Variants in MACROD2 observed in about 807,000 individuals in gnomAD.
MACROD2 encodes mono-ADP ribosylhydrolase 2, also known as ADP-ribose glycohydrolase MACROD2.
In MACROD2, 36 loss-of-function variants were observed where a neutral mutation model predicts 70.4. That is an observed-to-expected ratio of 0.51 (90% confidence interval 0.39 to 0.68). MACROD2 has a LOEUF of 0.68. Among genes scored for constraint, MACROD2 ranks in the 30% least tolerant of loss-of-function variants. MACROD2 has a pLI of 0.00. For missense variants in MACROD2, 496 were observed against 538.4 expected, an observed-to-expected ratio of 0.92 and a Z score of 0.78; for synonymous variants, 172 against 178.8, an observed-to-expected ratio of 0.96 and a Z score of 0.30.
chr20:15,090,258 T>G (rs2075783205), intron 5 of MACROD2, among the ~76,000 whole-genome samples: 1 of 152,018 alleles, frequency 6.6e-6, no homozygotes, highest in Non-Finnish European at 1.5e-5. Context: ...GTATTGGTGA[T>G]AGGTTTAGGG....
At chr20:15,676,735 G>A (rs921045119) in intron 8 of MACROD2, among the ~76,000 whole-genome samples, 1 of 152,108 alleles carries the variant, frequency 6.6e-6, no homozygotes, top group African/African-American at 2.4e-5. Context: ...ACATGTTTTG[G>A]CTTATGTTCA....
intron 4 of MACROD2, among the ~76,000 whole-genome samples, chr20:14,530,044 C>T (rs149793707): frequency 3.9e-5 from 6 of 152,004 alleles, no homozygotes; most frequent in Admixed American, 6.6e-5. Context: ...ACTGGGTGAC[C>T]GAAGCTCATT....
intron 3 of MACROD2, among the ~76,000 whole-genome samples, chr20:14,273,048 G>A (rs929183440): frequency 6.6e-6 from 1 of 151,832 alleles, no homozygotes; most frequent in African/African-American, 2.4e-5. Flanking sequence ...AATAATGGGA[G>A]ACTTTAACAC....
rs192561514 is a variant in MACROD2, at chr20:14,475,152, A to G, written c.272-18327A>G. On this transcript the variant is annotated intron_variant, in intron 3 of 17. Transcript: ENST00000684519. Reference sequence around the variant, plus strand: ...AGGTTTTTACTTTGTGGTTACCGTGAGGCTTGCATAAAGCATCTTACAGTT... The same window carrying G: ...AGGTTTTTACTTTGTGGTTACCGTGGGGCTTGCATAAAGCATCTTACAGTT... Among the ~76,000 whole-genome samples the G allele has an allele frequency of 3.3e-5, 5 of 151,928 alleles. No homozygotes were observed. The East Asian group carries it at 9.7e-4, about 29-fold the overall frequency.
intron 15 of MACROD2, among the ~76,000 whole-genome samples, chr20:16,012,076 G>A (rs755074210): frequency 1.1e-4 from 16 of 152,182 alleles, no homozygotes; most frequent in Non-Finnish European, 7.3e-5. Context: ...AGAGATTCTC[G>A]GAGCCAGGCC....
At chr20:15,291,403 C>T (rs2077539985) in intron 6 of MACROD2, among the ~76,000 whole-genome samples, 1 of 152,090 alleles carries the variant, frequency 6.6e-6, no homozygotes, top group Non-Finnish European at 1.5e-5. Context: ...ACACAGTAGG[C>T]CCACAATAAA....
chr20:14,971,895 C>G (rs549553997), intron 5 of MACROD2, among the ~76,000 whole-genome samples: 2 of 152,148 alleles, frequency 1.3e-5, no homozygotes, highest in African/African-American at 2.4e-5. Flanking sequence ...ATGCCTAGAC[C>G]CAGGTAGCCT....
intron 8 of MACROD2, among the ~76,000 whole-genome samples, chr20:15,817,800 T>C (rs1000976838): frequency 5.9e-5 from 9 of 152,182 alleles, no homozygotes; most frequent in African/African-American, 2.2e-4. Context: ...GCAATTTTAA[T>C]TGGGTTCTTT....
intron 5 of MACROD2, among the ~76,000 whole-genome samples, chr20:15,042,005 C>T (rs2075360181): frequency 6.6e-6 from 1 of 152,080 alleles, no homozygotes; most frequent in Non-Finnish European, 1.5e-5. Flanking sequence ...AACTTGAAGC[C>T]ATTCAGGGAC....
Position 15,682,927 on chromosome 20 carries a change from CAT to C in MACROD2, c.646-179817_646-179816del, listed in dbSNP as rs113892934. On this transcript the variant is annotated intron_variant, in intron 8 of 17. Transcript: ENST00000684519. Reference sequence around the variant, plus strand: ...TAGTCATCTTTTAGAAACTCTAAGTCATGTCTTCCCTGTCAGATATCATGCTC... The same window carrying C: ...TAGTCATCTTTTAGAAACTCTAAGTCGTCTTCCCTGTCAGATATCATGCTC... 2.7e-3 allele frequency among the ~76,000 whole-genome samples: 408 copies of C among 152,226 alleles called. 4 individuals are homozygous for C. The highest frequency in any genetic ancestry group is 9.0e-3 in the African/African-American group (374 of 41,552).
At chr20:14,134,505 G>A (rs1007843512) in intron 3 of MACROD2, among the ~76,000 whole-genome samples, 1 of 151,760 alleles carries the variant, frequency 6.6e-6, no homozygotes, top group South Asian at 2.1e-4. Flanking sequence ...CCTCTTTTTC[G>A]TTTATAAAGA....
intron 5 of MACROD2, among the ~76,000 whole-genome samples, chr20:14,931,934 C>A (rs546447271): frequency 1.8e-4 from 27 of 149,930 alleles, no homozygotes; most frequent in Admixed American, 1.7e-3. Flanking sequence ...CCCAGGAGTT[C>A]GAGACTGCAG....
chr20:15,840,665 A>G (rs1013670571), intron 8 of MACROD2, among the ~76,000 whole-genome samples: 1 of 152,184 alleles, frequency 6.6e-6, no homozygotes, highest in Non-Finnish European at 1.5e-5. Flanking sequence ...TGACTGTGAA[A>G]TAAAAGAATT....
At chr20:15,200,652 G>T (rs979852367) in intron 5 of MACROD2, among the ~76,000 whole-genome samples, 1 of 152,140 alleles carries the variant, frequency 6.6e-6, no homozygotes, top group African/African-American at 2.4e-5. Flanking sequence ...GTTATAAAAT[G>T]GCACAAGGCA....
At chr20:15,890,328 A>T (rs961534889) in intron 10 of MACROD2, among the ~76,000 whole-genome samples, 2 of 152,208 alleles carry the variant, frequency 1.3e-5, no homozygotes, top group African/African-American at 4.8e-5. Context: ...ATTTGGAGAA[A>T]TGCTGGTTTG....
At chr20:15,656,020 T>C (rs559473423) in intron 8 of MACROD2, among the ~76,000 whole-genome samples, 8 of 152,334 alleles carry the variant, frequency 5.3e-5, no homozygotes, top group Admixed American at 4.6e-4. Flanking sequence ...ACAGACACCA[T>C]CTCCATTTCT....
chr20:15,187,502 G>A (rs1029268852), intron 5 of MACROD2, among the ~76,000 whole-genome samples: 1 of 152,156 alleles, frequency 6.6e-6, no homozygotes, highest in Admixed American at 6.6e-5. Flanking sequence ...CAATGAGACA[G>A]CTGTCCCCAT....
chr20:15,373,184 G>T (rs1297947343), intron 6 of MACROD2, among the ~76,000 whole-genome samples: 1 of 152,100 alleles, frequency 6.6e-6, no homozygotes, highest in Non-Finnish European at 1.5e-5. Context: ...TTCTGTGATA[G>T]GCCATGTTTC....
intron 15 of MACROD2, among the ~76,000 whole-genome samples, chr20:15,997,284 C>T (rs548772116): frequency 5.4e-4 from 82 of 151,966 alleles, no homozygotes; most frequent in African/African-American, 1.8e-3. Context: ...ATGTATAGAT[C>T]GATTTAGGTA....
Sources: allele counts gnomAD v4.1 joint callset (sites outside exome capture counted in the v4.1 genomes callset), GRCh38; gene constraint gnomAD v4.1.1; transcripts MANE v1.5; gene names NCBI Gene and HGNC (gene_info 2026-07-23, HGNC 2026-07-21).